EYS: variants seen among roughly 807,000 people sequenced by gnomAD.
EYS encodes the protein EGF-like photoreceptor maintenance factor, also known as protein eyes shut homolog.
Under a neutral mutation model 282.1 loss-of-function variants are expected in EYS, and 250 were observed. The observed-to-expected ratio is 0.89, with a 90% CI of 0.80 to 0.98. The LOEUF is 0.98. Among genes scored for constraint, EYS ranks in the 50% least tolerant of loss-of-function variants. EYS has a pLI of 0.00. For missense variants in EYS, 4,016 were observed against 3,709.0 expected, an observed-to-expected ratio of 1.08 and a Z score of -2.15; for synonymous variants, 1,355 against 1,282.9, an observed-to-expected ratio of 1.06 and a Z score of -1.20.
intron 35 of EYS, among the ~76,000 whole-genome samples, chr6:63,959,651 G>C (rs1167180066): frequency 7.9e-5 from 12 of 152,152 alleles, no homozygotes; most frequent in Admixed American, 7.9e-4. Flanking sequence ...AGGAAACGTG[G>C]TACATATACA....
chr6:65,490,558 C>A lies in EYS; in HGVS notation c.862+36G>T, dbSNP rs1369138559. 8 of 1,071,132 alleles carry A rather than the reference C, an allele frequency of 7.5e-6. No individual in the cohort carries two copies. The Admixed American group carries it at 1.2e-4, about 16-fold the overall frequency. 66.4% of individuals were successfully genotyped at this position (1,071,132 alleles called of 1,614,324 possible). ...AAATACATAGATAAAATTAAAGTTA[C>A]TTGTGTATATGGTTGTATACATATG... On this transcript the variant is annotated intron_variant, in intron 5 of 42. Coordinates refer to ENST00000503581, the MANE Select transcript of EYS (RefSeq NM_001142800.2).
At chr6:63,872,509 G>A (rs564160470) in intron 35 of EYS, among the ~76,000 whole-genome samples, 134 of 112,222 alleles carry the variant, frequency 1.2e-3, no homozygotes, top group Middle Eastern at 7.6e-3. Context: ...ACCTAGTCTC[G>A]CTCTTGTCAC....
intron 12 of EYS, among the ~76,000 whole-genome samples, chr6:65,179,823 C>A (rs1039901497): frequency 2.5e-3 from 383 of 152,032 alleles, no homozygotes; most frequent in African/African-American, 8.5e-3. Flanking sequence ...TACTGGCAAA[C>A]CGAATCCAGC....
chr6:65,359,119 G>T (rs1764602360), intron 8 of EYS, among the ~76,000 whole-genome samples: 1 of 152,050 alleles, frequency 6.6e-6, no homozygotes, highest in Middle Eastern at 3.4e-3. Flanking sequence ...ATTCTGGTAA[G>T]CAAACAGTGA....
At chr6:63,960,289 A>G (rs1383355705) in intron 35 of EYS, among the ~76,000 whole-genome samples, 1 of 152,214 alleles carries the variant, frequency 6.6e-6, no homozygotes, top group Non-Finnish European at 1.5e-5. Flanking sequence ...TGAAAAAGCA[A>G]GAGAACTAGA....
chr6:65,219,309 G>A lies in EYS; in HGVS notation c.2023+76554C>T, dbSNP rs370151369. On this transcript the variant is annotated intron_variant, in intron 12 of 42. Coordinates refer to ENST00000503581, the MANE Select transcript of EYS (RefSeq NM_001142800.2). ...TTAAAACAATGGTTCCAAATAAACC[G>A]GAATGTTGATTTTCAGTAGAGGAAA... 1.3e-4 allele frequency among the ~76,000 whole-genome samples: 20 copies of A among 152,060 alleles called. No homozygotes were observed. The East Asian group carries it at 1.9e-3, about 15-fold the overall frequency.
chr6:65,123,732 C>T (rs12193781), intron 12 of EYS, among the ~76,000 whole-genome samples: 6,114 of 150,204 alleles, frequency 0.041, 175 homozygotes, highest in Middle Eastern at 0.065. Context: ...TAATCTTTCA[C>T]CAGCTGACTT....
intron 31 of EYS, among the ~76,000 whole-genome samples, chr6:64,182,236 C>A (rs1764807174): frequency 6.6e-6 from 1 of 152,166 alleles, no homozygotes; most frequent in African/African-American, 2.4e-5. Flanking sequence ...CATATGGAAT[C>A]TGTCCTACAA....
chr6:65,392,545 T>A (rs1180972479), intron 7 of EYS, among the ~76,000 whole-genome samples: 1 of 152,166 alleles, frequency 6.6e-6, no homozygotes. Flanking sequence ...AGAAGACATT[T>A]GTGCAGGCAA....
chr6:63,949,900 G>A (rs1006305712), intron 35 of EYS, among the ~76,000 whole-genome samples: 1 of 152,058 alleles, frequency 6.6e-6, no homozygotes, highest in Non-Finnish European at 1.5e-5. Flanking sequence ...TTGGCCAGGC[G>A]CGGTGTCTCA....
At chr6:65,701,427 C>T (rs569148470) in intron 1 of EYS, among the ~76,000 whole-genome samples, 1 of 152,216 alleles carries the variant, frequency 6.6e-6, no homozygotes, top group Admixed American at 6.5e-5. Context: ...TATCATCCTC[C>T]TTCACGCTTG....
chr6:64,154,836 C>CT (rs1290139529), intron 31 of EYS, among the ~76,000 whole-genome samples: 10 of 152,006 alleles, frequency 6.6e-5, no homozygotes, highest in African/African-American at 2.4e-4. Context: ...GTGTTTTTTT[C>CT]TTTCCAGTCT....
At chr6:65,497,958 T>C (rs1346750964) in intron 2 of EYS, among the ~76,000 whole-genome samples, 1 of 152,002 alleles carries the variant, frequency 6.6e-6, no homozygotes, top group Non-Finnish European at 1.5e-5. Flanking sequence ...ATTGAGACAC[T>C]TGTGGAGGAG....
intron 22 of EYS, among the ~76,000 whole-genome samples, chr6:64,714,811 C>T (rs1760006118): frequency 6.6e-6 from 1 of 152,054 alleles, no homozygotes; most frequent in African/African-American, 2.4e-5. Context: ...CAGGCGTGAG[C>T]CACCATGCCC....
rs115080260 is a variant in EYS at position 65,095,378 on chromosome 6, T to C, written c.2024-37651A>G. On this transcript the variant is annotated intron_variant, in intron 12 of 42. Coordinates refer to ENST00000503581, the MANE Select transcript of EYS (RefSeq NM_001142800.2). ...CAGTTAATATCCATATATTGTATGATTGAAAGTTGCTAAGATAATTTAAAT... is the reference window on the plus strand; with the variant it reads ...CAGTTAATATCCATATATTGTATGACTGAAAGTTGCTAAGATAATTTAAAT... Among the ~76,000 whole-genome samples the C allele has an allele frequency of 7.0e-3, 1,059 of 151,120 alleles. 12 individuals are homozygous for C. The highest frequency in any genetic ancestry group is 0.015 in the Admixed American group (227 of 15,106).
At chr6:64,625,245 CTT>C (rs1767567846) in intron 23 of EYS, among the ~76,000 whole-genome samples, 1 of 152,094 alleles carries the variant, frequency 6.6e-6, no homozygotes, top group Admixed American at 6.6e-5. Context: ...TCAACAATCA[CTT>C]ATATCAATAT....
intron 2 of EYS, among the ~76,000 whole-genome samples, chr6:65,633,532 T>C (rs989332795): frequency 6.6e-6 from 1 of 152,190 alleles, no homozygotes; most frequent in African/African-American, 2.4e-5. Flanking sequence ...ATGAGAAAAC[T>C]TGTCATTGGA....
intron 5 of EYS, among the ~76,000 whole-genome samples, chr6:65,412,943 A>AACT (rs1223253259): frequency 2.0e-5 from 3 of 152,004 alleles, no homozygotes; most frequent in Non-Finnish European, 1.5e-5. Context: ...AAATGGGGAG[A>AACT]ACTGCTTTTT....
At chr6:64,536,963 T>C (rs1304772789) in intron 26 of EYS, among the ~76,000 whole-genome samples, 1 of 152,030 alleles carries the variant, frequency 6.6e-6, no homozygotes, top group Non-Finnish European at 1.5e-5. Context: ...TTTGTTTATG[T>C]ATTAGAGCTA....
Sources: allele counts gnomAD v4.1 joint callset (sites outside exome capture counted in the v4.1 genomes callset), GRCh38; gene constraint gnomAD v4.1.1; transcripts MANE v1.5; gene names NCBI Gene and HGNC (gene_info 2026-07-23, HGNC 2026-07-21).